Variants in TRPC5OS observed in about 807,000 individuals in gnomAD.
The protein encoded by TRPC5OS is putative uncharacterized protein TRPC5OS.
For synonymous variants in TRPC5OS, 30 were observed against 29.3 expected (o/e 1.02, Z -0.08); for missense variants, 64 against 79.3 (o/e 0.81, Z 0.73).
intron 1 of TRPC5OS, among the ~76,000 whole-genome samples, chrX:111,895,506 T>C (rs1925021904): frequency 9.0e-6 from 1 of 111,673 alleles, no homozygotes; most frequent in African/African-American, 3.3e-5. Flanking sequence ...TCTTAAGGTA[T>C]AATTAATTAA....
chrX:111,886,282 A>G (rs1312377732), intron 1 of TRPC5OS, among the ~76,000 whole-genome samples: 1 of 112,366 alleles, frequency 8.9e-6, no homozygotes, highest in Non-Finnish European at 1.9e-5. Context: ...CTCTGTCAAT[A>G]AAATAAAATA....
chrX:111,887,300 T>G (rs924927760), intron 1 of TRPC5OS, among the ~76,000 whole-genome samples: 2 of 112,622 alleles, frequency 1.8e-5, no homozygotes, highest in African/African-American at 6.5e-5. Flanking sequence ...CTTTCTTTCT[T>G]TCTTGGAGAG....
At chrX:111,885,955 G>T (rs979319396) in intron 1 of TRPC5OS, among the ~76,000 whole-genome samples, 1 of 111,614 alleles carries the variant, frequency 9.0e-6, no homozygotes, top group African/African-American at 3.3e-5. Context: ...AGGTTTCTCT[G>T]CCTCCAAAGC....
chrX:111,883,096 A>AG (rs2148600915), intron 1 of TRPC5OS, among the ~76,000 whole-genome samples: 1 of 110,675 alleles, frequency 9.0e-6, no homozygotes, highest in East Asian at 2.8e-4. Flanking sequence ...AAAAAAAAAA[A>AG]AAAAAAAAGA....
At chrX:111,883,939 G>A (rs1215644610) in intron 1 of TRPC5OS, among the ~76,000 whole-genome samples, 5 of 112,742 alleles carry the variant, frequency 4.4e-5, no homozygotes, top group Non-Finnish European at 9.4e-5. Context: ...TATAGGCAGG[G>A]CTTCAGCCTA....
intron 1 of TRPC5OS, among the ~76,000 whole-genome samples, chrX:111,892,547 C>T (rs1420015467): frequency 9.0e-6 from 1 of 111,673 alleles, no homozygotes; most frequent in Non-Finnish European, 1.9e-5. Flanking sequence ...GCTGCAGCCC[C>T]ACCAGAGCTC....
At chrX:111,880,419 C>T (rs1055872996) in intron 1 of TRPC5OS, among the ~76,000 whole-genome samples, 6 of 112,457 alleles carry the variant, frequency 5.3e-5, no homozygotes, top group African/African-American at 1.9e-4. Context: ...TACTGCTATA[C>T]ATAGCTTAAT....
chrX:111,877,058 A>G (rs1033013697), intron 1 of TRPC5OS, among the ~76,000 whole-genome samples: 2 of 111,678 alleles, frequency 1.8e-5, no homozygotes, highest in African/African-American at 6.5e-5. Flanking sequence ...AGAATGATCA[A>G]TCTTTGCAGT....
intron 1 of TRPC5OS, among the ~76,000 whole-genome samples, chrX:111,882,676 A>T (rs141733887): frequency 2.7e-4 from 31 of 112,936 alleles, no homozygotes; most frequent in Non-Finnish European, 4.7e-4. Context: ...AATTAATGCC[A>T]AGGCAGCTTG....
intron 1 of TRPC5OS, among the ~76,000 whole-genome samples, chrX:111,885,990 T>C (rs745748422): frequency 6.2e-5 from 7 of 112,120 alleles, no homozygotes; most frequent in Non-Finnish European, 1.1e-4. Context: ...AAAATAATGT[T>C]TTTTTTCTGC....
chrX:111,895,398 T>C (rs772549651), intron 1 of TRPC5OS, among the ~76,000 whole-genome samples: 33 of 112,215 alleles, frequency 2.9e-4, no homozygotes, highest in African/African-American at 1.1e-3. Flanking sequence ...TTCGTATTGA[T>C]TTGTAGTTTA....
intron 1 of TRPC5OS, among the ~76,000 whole-genome samples, chrX:111,881,661 A>G (rs1031065114): frequency 9.2e-6 from 1 of 109,145 alleles, no homozygotes; most frequent in African/African-American, 3.4e-5. Context: ...CTATAAATAC[A>G]TCTGGTTGCA....
At chrX:111,880,919 C>G (rs1924181245) in intron 1 of TRPC5OS, among the ~76,000 whole-genome samples, 1 of 111,649 alleles carries the variant, frequency 9.0e-6, no homozygotes, top group African/African-American at 3.3e-5. Context: ...GCTACTTCCT[C>G]ACAATGGAAC....
chrX:111,896,607 A>T (rs1176080743), intron 3 of TRPC5OS, 112 bp downstream of exon 3: 1 of 111,419 alleles, frequency 9.0e-6, no homozygotes, highest in Non-Finnish European at 1.9e-5. Flanking sequence ...TAGGGGACTG[A>T]TCTGCCTAAG....
intron 1 of TRPC5OS, among the ~76,000 whole-genome samples, chrX:111,893,647 C>CT (rs1476413364): frequency 1.8e-5 from 2 of 111,466 alleles, no homozygotes; most frequent in African/African-American, 6.5e-5. Context: ...CCTACTCCCC[C>CT]TTTTTTTAGT....
chrX:111,889,235 A>T (rs1433553180), intron 1 of TRPC5OS, among the ~76,000 whole-genome samples: 1 of 111,570 alleles, frequency 9.0e-6, no homozygotes, highest in Non-Finnish European at 1.9e-5. Flanking sequence ...GTAAGATGAG[A>T]CGGAGAGCTG....
At chrX:111,884,406 G>A (rs1924373066) in intron 1 of TRPC5OS, among the ~76,000 whole-genome samples, 1 of 112,402 alleles carries the variant, frequency 8.9e-6, no homozygotes, top group Admixed American at 9.4e-5. Context: ...GGTATACCCA[G>A]GGCCCAAGCC....
chrX:111,892,450 T>A lies in TRPC5OS; in HGVS notation c.-545-3501T>A, dbSNP rs138854241. Among the ~76,000 whole-genome samples the A allele has an allele frequency of 6.7e-3, 752 of 112,351 alleles. 2 individuals are homozygous for A. Among genetic ancestry groups the A allele is most frequent in the Admixed American group, 0.012 (124 of 10,627 alleles). ...ACAATACGAGGTGGAGGGCATTCTC[T>A]GTGCAACTGGCAGTGTGTTGGAGGC... On this transcript the variant is annotated intron_variant, in intron 1 of 3. Coordinates refer to ENST00000635763, the MANE Select transcript of TRPC5OS (RefSeq NM_001195578.2).
intron 1 of TRPC5OS, among the ~76,000 whole-genome samples, chrX:111,882,515 A>G (rs1331833895): frequency 8.8e-6 from 1 of 113,111 alleles, no homozygotes; most frequent in Non-Finnish European, 1.9e-5. Flanking sequence ...AGGTCTGATG[A>G]CAGCTTAATC....
Sources: gnomAD v4.1 joint callset for allele counts (sites outside exome capture counted in the v4.1 genomes callset) on GRCh38, gnomAD v4.1.1 for gene constraint, MANE v1.5 for transcripts, NCBI Gene and HGNC (gene_info 2026-07-23, HGNC 2026-07-21) for gene names.